The following DGKB variants were observed in gnomAD, a reference collection of about 807,000 sequenced individuals.
The protein encoded by DGKB is 90 kDa diacylglycerol kinase.
A neutral mutation model predicts 114.3 loss-of-function variants in DGKB; 67 were observed. That is an observed-to-expected ratio of 0.59 (90% confidence interval 0.48 to 0.72). The LOEUF is 0.72. Ranked by LOEUF, DGKB falls within the 30% of genes least tolerant of loss-of-function variation. The pLI is 0.00. For missense variants in DGKB, 907 were observed against 975.2 expected (o/e 0.93, Z 0.93); for synonymous variants, 398 against 323.1 (o/e 1.23, Z -2.49).
At chr7:14,720,304 AT>A (rs897479358) in intron 5 of DGKB, among the ~76,000 whole-genome samples, 10 of 151,642 alleles carry the variant, frequency 6.6e-5, no homozygotes, top group Middle Eastern at 3.4e-3. Context: ...TTTATTTTTA[AT>A]TTTTTTTATT....
At chr7:14,530,402 T>C (rs983537189) in intron 20 of DGKB, among the ~76,000 whole-genome samples, 1 of 151,524 alleles carries the variant, frequency 6.6e-6, no homozygotes, top group African/African-American at 2.4e-5. Context: ...TCTCCCTTGA[T>C]CCCTTTTCAG....
At chr7:14,565,118 G>C (rs1344771313) in intron 20 of DGKB, among the ~76,000 whole-genome samples, 1 of 152,088 alleles carries the variant, frequency 6.6e-6, no homozygotes. Context: ...TGACACATTA[G>C]CAAGCTGGAT....
chr7:14,266,090 C>T (rs1797481415), intron 23 of DGKB, among the ~76,000 whole-genome samples: 1 of 152,152 alleles, frequency 6.6e-6, no homozygotes, highest in Admixed American at 6.5e-5. Flanking sequence ...GGCCTGTTCC[C>T]TGTGCTCGTT....
intron 23 of DGKB, among the ~76,000 whole-genome samples, chr7:14,291,142 C>CAAAAAAAA (rs373171858): frequency 3.5e-5 from 3 of 86,334 alleles, no homozygotes; most frequent in East Asian, 3.5e-4. Flanking sequence ...AACTCCGTCT[C>CAAAAAAAA]AAAAAAAAAA....
chr7:14,835,920 C>A (rs371135320), intron 2 of DGKB, among the ~76,000 whole-genome samples: 101 of 152,294 alleles, frequency 6.6e-4, no homozygotes, highest in African/African-American at 2.2e-3. Flanking sequence ...CTGAGGCTTA[C>A]TGCGAGGATT....
At chr7:14,692,674 C>T (rs1346817715) in intron 9 of DGKB, among the ~76,000 whole-genome samples, 1 of 150,430 alleles carries the variant, frequency 6.6e-6, no homozygotes, top group African/African-American at 2.4e-5. Context: ...GAACTACATA[C>T]TTATTAACAA....
chr7:14,716,092 A>G (rs985519008), intron 6 of DGKB, among the ~76,000 whole-genome samples: 11 of 152,306 alleles, frequency 7.2e-5, no homozygotes, highest in Admixed American at 2.0e-4. Context: ...TAACCCAGGT[A>G]AAATACCTAA....
chr7:14,782,379 T>G (rs914412374), intron 2 of DGKB, among the ~76,000 whole-genome samples: 2 of 152,196 alleles, frequency 1.3e-5, no homozygotes, highest in Non-Finnish European at 2.9e-5. Flanking sequence ...TGCACTATAC[T>G]TAGACTTTAA....
At chr7:14,956,872 A>G (rs1021229135) in intron 1 of DGKB, among the ~76,000 whole-genome samples, 1 of 151,840 alleles carries the variant, frequency 6.6e-6, no homozygotes, top group Non-Finnish European at 1.5e-5. Flanking sequence ...TTTTAAGGCA[A>G]ATGAGCAGTT....
intron 23 of DGKB, among the ~76,000 whole-genome samples, chr7:14,204,957 G>C (rs6949675): frequency 1.3e-5 from 2 of 151,834 alleles, no homozygotes; most frequent in African/African-American, 4.8e-5. Context: ...GTCCACAACT[G>C]TAGCTATTCA....
At chr7:14,203,983 C>T (rs572365426) in intron 23 of DGKB, among the ~76,000 whole-genome samples, 46 of 152,030 alleles carry the variant, frequency 3.0e-4, no homozygotes, top group East Asian at 1.7e-3. Flanking sequence ...CCTCCCCCAG[C>T]GAATTAATTG....
At chr7:14,376,673 C>T (rs1563053811) in intron 21 of DGKB, among the ~76,000 whole-genome samples, 1 of 152,146 alleles carries the variant, frequency 6.6e-6, no homozygotes. Context: ...CCTTATAAAA[C>T]CATGACTCCC....
chr7:14,231,091 CTTTCTT>C lies in DGKB; in HGVS notation c.2123-52946_2123-52941del, dbSNP rs1341447345. ...AATTCTTTCTTCTTTCCCTTTCTTT[CTTTCTT>C]TCTTTCTTTCTTTCTTTCTTTCTTT... On this transcript the variant is annotated intron_variant, in intron 23 of 25. Transcript: ENST00000402815. 1.1e-4 allele frequency among the ~76,000 whole-genome samples: 8 copies of C among 75,366 alleles called. No individual in the cohort carries two copies. In the South Asian group the frequency reaches 2.2e-3, roughly 21 times the overall value. 49.4% of individuals were successfully genotyped at this position (75,366 alleles called of 152,430 possible). A position where few individuals can be genotyped will look rare whatever the true frequency, so the allele number is the denominator to read the frequency against.
At chr7:14,710,573 A>G (rs1057104407) in intron 6 of DGKB, among the ~76,000 whole-genome samples, 3 of 152,106 alleles carry the variant, frequency 2.0e-5, no homozygotes, top group Non-Finnish European at 4.4e-5. Context: ...CTTGTTCCCA[A>G]TATCAATGAG....
In DGKB at chr7:14,933,076, G is replaced by C. The variant is rs1332694914; in HGVS notation, c.-188+41620C>G. ...GATGGTAAGGGAATCTTAGAGATGG[G>C]TTTGCAAACTCCCACCTTTGTTGTC... On this transcript the variant is annotated intron_variant, in intron 1 of 4. Transcript: ENST00000437998. Among the ~76,000 whole-genome samples, 6 of 152,084 alleles carry C rather than the reference G, an allele frequency of 3.9e-5. 1 individual carries two copies. Among genetic ancestry groups the C allele is most frequent in the Admixed American group, 3.9e-4 (6 of 15,254 alleles).
intron 23 of DGKB, among the ~76,000 whole-genome samples, chr7:14,183,714 T>A (rs1782971451): frequency 6.6e-6 from 1 of 152,178 alleles, no homozygotes. Context: ...TCTAAATAGG[T>A]ATGCTTGACT....
chr7:14,166,081 T>C (rs1025928204), intron 25 of DGKB, among the ~76,000 whole-genome samples: 1 of 152,204 alleles, frequency 6.6e-6, no homozygotes, highest in African/African-American at 2.4e-5. Context: ...ACCTCATCCG[T>C]ATAGTCTAAA....
rs1231326851 is a variant in DGKB, at chr7:14,145,987, G to A, written c.*3144C>T. 1 of 152,090 alleles carries A rather than the reference G, an allele frequency of 6.6e-6. No individual in the cohort carries two copies. Among genetic ancestry groups the A allele is most frequent in the African/African-American group, 2.4e-5 (1 of 41,388 alleles). 9.4% of individuals were successfully genotyped at this position (152,090 alleles called of 1,614,324 possible). A position where few individuals can be genotyped will look rare whatever the true frequency, so the allele number is the denominator to read the frequency against. On this transcript the variant is annotated 3_prime_UTR_variant, in exon 26 of 26. Transcript: ENST00000402815. ...CGTATGTGATTCATTAGCCCTCACTGGATTTAAATTTCTGTCTGCAGTAGA... is the reference window on the plus strand; with the variant it reads ...CGTATGTGATTCATTAGCCCTCACTAGATTTAAATTTCTGTCTGCAGTAGA...
chr7:14,722,233 C>T (rs1019490056), intron 5 of DGKB, among the ~76,000 whole-genome samples: 3 of 152,074 alleles, frequency 2.0e-5, no homozygotes, highest in African/African-American at 7.2e-5. Context: ...AGTTTCACTG[C>T]CCTAAAATAT....
Sources: allele counts gnomAD v4.1 joint callset (sites outside exome capture counted in the v4.1 genomes callset), GRCh38; gene constraint gnomAD v4.1.1; transcripts MANE v1.5; gene names NCBI Gene and HGNC (gene_info 2026-07-23, HGNC 2026-07-21).